Variants in QTGAL observed in about 807,000 individuals in gnomAD.
QTGAL encodes queuosine-tRNA galactosyltransferase, also known as BGnT-like protein 1.
chr17:82,963,424 G>A, the QTGAL span, among the ~76,000 whole-genome samples: 7 of 152,180 alleles, frequency 4.6e-5, no homozygotes, highest in Admixed American at 6.5e-5. Flanking sequence ...TGGAGTCCGC[G>A]GAACGCAGGG....
the QTGAL span, among the ~76,000 whole-genome samples, chr17:83,016,610 G>A: frequency 2.0e-5 from 3 of 147,324 alleles, no homozygotes; most frequent in Non-Finnish European, 4.5e-5. Context: ...GGACTGAAGA[G>A]GAGGGGGGAG....
the QTGAL span, among the ~76,000 whole-genome samples, chr17:83,020,942 A>G: frequency 6.6e-6 from 1 of 152,206 alleles, no homozygotes; most frequent in African/African-American, 2.4e-5. Context: ...TACATTTTCT[A>G]TGGTGGCCAC....
the QTGAL span, among the ~76,000 whole-genome samples, chr17:83,004,821 G>T: frequency 1.3e-5 from 2 of 152,154 alleles, no homozygotes; most frequent in African/African-American, 4.8e-5. Flanking sequence ...CTGCGTGTGG[G>T]ATTACTGAGC....
chr17:82,957,194 TG>T, the QTGAL span: 1 of 1,614,070 alleles, frequency 6.2e-7, no homozygotes, highest in Non-Finnish European at 8.5e-7. Context: ...AGAGTCCTCG[TG>T]GCAATAGAAG....
chr17:83,009,905 G>A, the QTGAL span, among the ~76,000 whole-genome samples: 7 of 150,888 alleles, frequency 4.6e-5, no homozygotes, highest in African/African-American at 1.7e-4. Context: ...TGGGGCCACT[G>A]CCTTGGAGTG....
chr17:82,984,104 T>G, the QTGAL span, among the ~76,000 whole-genome samples: 9 of 73,460 alleles, frequency 1.2e-4, no homozygotes, highest in East Asian at 4.5e-4. Flanking sequence ...GGGGGAGAGA[T>G]CATGTGAGCA....
the QTGAL span, among the ~76,000 whole-genome samples, chr17:82,959,878 T>C: frequency 6.6e-6 from 1 of 152,104 alleles, no homozygotes; most frequent in East Asian, 1.9e-4. Context: ...CATCTTCATT[T>C]TTCACATTTT....
the QTGAL span, among the ~76,000 whole-genome samples, chr17:82,992,124 TA>T: frequency 6.6e-6 from 1 of 152,028 alleles, no homozygotes; most frequent in African/African-American, 2.4e-5. Context: ...GGTAGAGAGA[TA>T]GGGGTAGAAA....
At chr17:82,967,083 A>G in the QTGAL span, among the ~76,000 whole-genome samples, 1 of 152,206 alleles carries the variant, frequency 6.6e-6, no homozygotes, top group African/African-American at 2.4e-5. Flanking sequence ...TCATCAGGGA[A>G]ATGAGTTTTC....
the QTGAL span, among the ~76,000 whole-genome samples, chr17:82,977,548 T>C: frequency 6.6e-6 from 1 of 152,118 alleles, no homozygotes; most frequent in Non-Finnish European, 1.5e-5. Context: ...GCAGCTACAG[T>C]GGGGAGCGAG....
At chr17:83,029,186 CAA>C in the QTGAL span, among the ~76,000 whole-genome samples, 1 of 152,200 alleles carries the variant, frequency 6.6e-6, no homozygotes, top group African/African-American at 2.4e-5. Flanking sequence ...ATGTTGTACA[CAA>C]ATTTCACACG....
the QTGAL span, chr17:82,942,551 G>C: frequency 5.0e-6 from 8 of 1,585,234 alleles, no homozygotes; most frequent in Non-Finnish European, 6.9e-6. Flanking sequence ...TCGCACAGTG[G>C]TGCCTCCAGC....
At chr17:83,039,160 T>C in the QTGAL span, among the ~76,000 whole-genome samples, 46 of 151,696 alleles carry the variant, frequency 3.0e-4, 1 homozygote, top group African/African-American at 1.1e-3. Context: ...CCTGGGTGCA[T>C]TTCCTCTCTG....
chr17:83,018,254 C>T, the QTGAL span, among the ~76,000 whole-genome samples: 187 of 151,276 alleles, frequency 1.2e-3, 2 homozygotes, highest in East Asian at 9.4e-3. Context: ...CACGGTGTGC[C>T]TGTATCAGAT....
At chr17:83,024,294 C>A in the QTGAL span, among the ~76,000 whole-genome samples, 273 of 146,274 alleles carry the variant, frequency 1.9e-3, 2 homozygotes, top group African/African-American at 7.4e-3. Context: ...GTCCTCCAGG[C>A]GGGCAGGCCC....
At chr17:83,014,454 G>A in the QTGAL span, 82 of 1,613,760 alleles carry the variant, frequency 5.1e-5, no homozygotes, top group East Asian at 6.7e-5. Context: ...CAGTACTTAC[G>A]CTCGACGGGT....
the QTGAL span, chr17:83,014,388 T>A: frequency 2.6e-6 from 4 of 1,552,960 alleles, no homozygotes; most frequent in African/African-American, 5.4e-5. Flanking sequence ...GAAAACTCTT[T>A]ATTTAAAAAA....
chr17:82,992,293 C>A, the QTGAL span, among the ~76,000 whole-genome samples: 1 of 152,060 alleles, frequency 6.6e-6, no homozygotes, highest in African/African-American at 2.4e-5. Flanking sequence ...AGAAAGGACC[C>A]TACAAGCAGC....
chr17:82,982,991 A>C, the QTGAL span, among the ~76,000 whole-genome samples: 3 of 152,200 alleles, frequency 2.0e-5, no homozygotes, highest in African/African-American at 7.2e-5. Flanking sequence ...ATATTTCTGC[A>C]ATTTTTTGGC....
Sources: gnomAD v4.1 joint callset for allele counts (sites outside exome capture counted in the v4.1 genomes callset) on GRCh38, gnomAD v4.1.1 for gene constraint, MANE v1.5 for transcripts, NCBI Gene and HGNC (gene_info 2026-07-23, HGNC 2026-07-21) for gene names.